The following DNAH11 variants were observed in gnomAD, a reference collection of about 807,000 sequenced individuals.
The protein encoded by DNAH11 is axonemal beta dynein heavy chain 11.
In DNAH11, 442 loss-of-function variants were observed where a neutral mutation model predicts 526.0. That is an observed-to-expected ratio of 0.84 (90% confidence interval 0.78 to 0.91). The LOEUF is 0.91. Among genes scored for constraint, DNAH11 ranks in the 40% least tolerant of loss-of-function variants. The pLI is 0.00. For missense variants in DNAH11, 6,989 were observed against 5,448.7 expected (o/e 1.28, Z -8.90); for synonymous variants, 2,461 against 1,935.9 (o/e 1.27, Z -7.12).
At chr7:21,576,224 G>C (rs1361184658) in intron 8 of DNAH11, among the ~76,000 whole-genome samples, 1 of 152,180 alleles carries the variant, frequency 6.6e-6, no homozygotes, top group African/African-American at 2.4e-5. Flanking sequence ...ACCCAAGAAG[G>C]ACAGCGATTC....
At position 21,668,631 on chromosome 7, in the gene DNAH11, T is replaced by C. The variant is rs562301076; in HGVS notation, c.5328+9600T>C. Among the ~76,000 whole-genome samples, 3 of 152,294 alleles carry C rather than the reference T, an allele frequency of 2.0e-5. No homozygotes were observed. The South Asian group carries it at 6.2e-4, about 32-fold the overall frequency. ...CCCCTCACATTTTTCAACGAACATA[T>C]TTTTGAGATTCATCTCTGTCGTTGC... On this transcript the variant is annotated intron_variant, in intron 30 of 81. Coordinates refer to ENST00000409508, the MANE Select transcript of DNAH11 (RefSeq NM_001277115.2).
rs199574130 is a variant in DNAH11, at chr7:21,748,740, C to T, written c.8671C>T (p.Arg2891Trp). The T allele has an allele frequency of 2.1e-4, 334 of 1,613,008 alleles. No homozygotes were observed. The highest frequency in any genetic ancestry group is 2.6e-4 in the Non-Finnish European group (302 of 1,179,398). ...LTEGYGIQEL[R>W]VDLANLYIRT... ...CGAGGGCTATGGAATCCAGGAACTTCGGGTGAGTCAAGGGGACAGGCAGTT... is the reference window on the plus strand; with the variant it reads ...CGAGGGCTATGGAATCCAGGAACTTTGGGTGAGTCAAGGGGACAGGCAGTT... The change falls in exon 52 of 82, where the codon CGG (arginine) becomes TGG (tryptophan). Residue 2891 changes from arginine (R) to tryptophan (W), a missense_variant and splice_region_variant. By Grantham distance (101) the Arg-to-Trp change is moderately radical (BLOSUM62 -3). Transcript: ENST00000409508.
At chr7:21,857,534 GAAAAAA>G (rs71026827) in intron 68 of DNAH11, among the ~76,000 whole-genome samples, 27 of 147,156 alleles carry the variant, frequency 1.8e-4, no homozygotes, top group Admixed American at 1.4e-3. Flanking sequence ...TTTTGAAAAA[GAAAAAA>G]AAAAACAGGG....
At chr7:21,757,430 T>G (rs537883219) in intron 54 of DNAH11, among the ~76,000 whole-genome samples, 15 of 152,152 alleles carry the variant, frequency 9.9e-5, no homozygotes, top group Non-Finnish European at 2.2e-4. Context: ...TTCTTTTACC[T>G]TCTTTCTTCA....
Position 21,854,332 on chromosome 7 carries a change from A to C in DNAH11, c.11079A>C (p.Glu3693Asp). 3 of 1,613,844 alleles carry C rather than the reference A, an allele frequency of 1.9e-6. No homozygotes were observed. The highest frequency in any genetic ancestry group is 2.5e-6 in the Non-Finnish European group (3 of 1,179,846). The part of the protein sequence containing the change: ...EIEHKVIEAK[E>D]NERKINEARE... ...CACCATAGGTGATTGAAGCCAAAGA[A>C]AATGAAAGAAAAATCAACGAGGCCC... is the stretch of plus-strand genomic sequence containing the variant. Residue 3693 changes from glutamate to aspartate, a missense_variant, in exon 68 of 82, where the codon GAA (glutamate) becomes GAC (aspartate). Glu to Asp is a conservative substitution (Grantham distance 45). Coordinates refer to ENST00000409508, the MANE Select transcript of DNAH11 (RefSeq NM_001277115.2).
At chr7:21,552,318 A>G (rs1237779264) in intron 2 of DNAH11, among the ~76,000 whole-genome samples, 3 of 152,172 alleles carry the variant, frequency 2.0e-5, no homozygotes, top group Admixed American at 6.5e-5. Flanking sequence ...TTTTTTGAGC[A>G]TGAGTTAATT....
Position 21,710,602 on chromosome 7 carries a change from C to G in DNAH11, c.6733C>G (p.Gln2245Glu). Residue 2245 changes from glutamine (Q) to glutamate (E), a missense_variant, in exon 41 of 82, where the codon CAA becomes GAA. By Grantham distance (29) the Gln-to-Glu change is conservative. Coordinates refer to ENST00000409508, the MANE Select transcript of DNAH11 (RefSeq NM_001277115.2). ...TCTCTTCTCATCCATTCTACGAGAACAAGCAAATCTTAAGCATGATGGACC... is the reference window on the plus strand; with the variant it reads ...TCTCTTCTCATCCATTCTACGAGAAGAAGCAAATCTTAAGCATGATGGACC... ...IGLFSSILRE[Q>E]ANLKHDGPKW... 2 of 1,612,992 alleles carry G rather than the reference C, an allele frequency of 1.2e-6. No homozygotes were observed. The highest frequency in any genetic ancestry group is 4.5e-5 in the East Asian group (2 of 44,836).
intron 45 of DNAH11, among the ~76,000 whole-genome samples, chr7:21,735,427 C>G (rs1785560155): frequency 6.6e-6 from 1 of 152,166 alleles, no homozygotes; most frequent in African/African-American, 2.4e-5. Flanking sequence ...TATCCAATTG[C>G]TCTCCTCAAG....
chr7:21,648,500 T>G (rs1787465069), intron 28 of DNAH11, among the ~76,000 whole-genome samples: 1 of 152,164 alleles, frequency 6.6e-6, no homozygotes, highest in African/African-American at 2.4e-5. Flanking sequence ...TGCTGGATAA[T>G]GAGATGAACA....
At chr7:21,573,427 T>C (rs1440527841) in intron 8 of DNAH11, among the ~76,000 whole-genome samples, 5 of 152,220 alleles carry the variant, frequency 3.3e-5, no homozygotes, top group African/African-American at 7.2e-5. Context: ...TCCTTGACTT[T>C]GGTCATTCCC....
intron 79 of DNAH11, among the ~76,000 whole-genome samples, chr7:21,898,772 G>A (rs1053824694): frequency 6.6e-6 from 1 of 152,176 alleles, no homozygotes; most frequent in African/African-American, 2.4e-5. Context: ...CAACCCACCG[G>A]CGTGCCATTC....
intron 20 of DNAH11, 94 bp downstream of exon 20, chr7:21,606,827 T>C: frequency 1.8e-6 from 2 of 1,110,572 alleles, no homozygotes; most frequent in Non-Finnish European, 2.6e-6. Context: ...TTGTCTTTGT[T>C]TTGCTGTTAT....
intron 61 of DNAH11, among the ~76,000 whole-genome samples, chr7:21,795,772 G>C (rs1411956335): frequency 2.0e-5 from 3 of 152,190 alleles, no homozygotes; most frequent in African/African-American, 7.2e-5. Context: ...AATTTGCCAA[G>C]TGCTGCCAAG....
intron 28 of DNAH11, among the ~76,000 whole-genome samples, chr7:21,639,400 G>C (rs1322639477): frequency 6.6e-6 from 1 of 152,132 alleles, no homozygotes; most frequent in African/African-American, 2.4e-5. Context: ...AGCTTTCCTA[G>C]GGGAGAAAGG....
intron 56 of DNAH11, 77 bp downstream of exon 56, chr7:21,774,076 C>T: frequency 1.6e-6 from 2 of 1,276,544 alleles, no homozygotes; most frequent in Non-Finnish European, 2.1e-6. Context: ...TGAAGCACTA[C>T]TAAATCCATT....
chr7:21,783,314 C>T (rs1788033668), intron 57 of DNAH11, among the ~76,000 whole-genome samples: 1 of 152,068 alleles, frequency 6.6e-6, no homozygotes, highest in Non-Finnish European at 1.5e-5. Flanking sequence ...ATAAAAGGTA[C>T]AGTACACAGC....
chr7:21,608,285 A>G (rs1785383763), intron 20 of DNAH11, among the ~76,000 whole-genome samples: 1 of 152,232 alleles, frequency 6.6e-6, no homozygotes, highest in Admixed American at 6.5e-5. Flanking sequence ...ACTTGAAAAG[A>G]TGTTTTAAAC....
intron 74 of DNAH11, among the ~76,000 whole-genome samples, chr7:21,880,098 A>AAAAG (rs1211144322): frequency 4.6e-5 from 7 of 151,174 alleles, no homozygotes; most frequent in African/African-American, 7.3e-5. Context: ...AAAAAAAAAA[A>AAAAG]AAAGAAAGAA....
At chr7:21,686,755 T>G (rs972128879) in intron 32 of DNAH11, among the ~76,000 whole-genome samples, 3 of 152,190 alleles carry the variant, frequency 2.0e-5, no homozygotes, top group Non-Finnish European at 4.4e-5. Flanking sequence ...AACAATAGTT[T>G]GGATGTTGTC....
Sources: allele counts gnomAD v4.1 joint callset (sites outside exome capture counted in the v4.1 genomes callset), GRCh38; gene constraint gnomAD v4.1.1; transcripts MANE v1.5; gene names NCBI Gene and HGNC (gene_info 2026-07-23, HGNC 2026-07-21).